The following RBMS3 variants were observed in gnomAD, a reference collection of about 807,000 sequenced individuals.
RBMS3 encodes RNA-binding motif, single-stranded-interacting protein 3.
In RBMS3, 27 loss-of-function variants were observed where a neutral mutation model predicts 66.8. That is an observed-to-expected ratio of 0.40 (90% CI 0.30 to 0.56). RBMS3 has a LOEUF of 0.56. RBMS3 is among the 20% of genes least tolerant of loss of function. RBMS3 has a pLI of 0.40. For synonymous variants in RBMS3, 188 were observed against 183.0 expected (o/e 1.03, Z -0.22); for missense variants, 513 against 549.5 (o/e 0.93, Z 0.66).
chr3:29,391,863 T>C (rs1001233679), intron 1 of RBMS3, among the ~76,000 whole-genome samples: 1 of 152,190 alleles, frequency 6.6e-6, no homozygotes, highest in African/African-American at 2.4e-5. Flanking sequence ...TGGAAACCGA[T>C]GACATGCAAC....
chr3:29,468,616 G>A lies in RBMS3; in HGVS notation c.249-19825G>A, dbSNP rs185059952. Among the ~76,000 whole-genome samples, 96 of 152,164 alleles carry A rather than the reference G, an allele frequency of 6.3e-4. 1 individual carries two copies. Among genetic ancestry groups the A allele is most frequent in the Non-Finnish European group, 1.2e-3 (79 of 67,970 alleles). ...CTAATTTTGTCTCTGTATTAACACC[G>A]AAAACATGGTTTTATTTGTACTGTT... is the stretch of plus-strand genomic sequence containing the variant. On this transcript the variant is annotated intron_variant, in intron 2 of 14. Coordinates refer to ENST00000383767, the MANE Select transcript of RBMS3 (RefSeq NM_001003793.3).
intron 4 of RBMS3, among the ~76,000 whole-genome samples, chr3:29,660,124 G>A (rs1482817460): frequency 2.0e-5 from 3 of 151,946 alleles, no homozygotes; most frequent in Non-Finnish European, 4.4e-5. Context: ...CCTTTTCAGT[G>A]TGTTCACTAT....
chr3:29,459,410 T>C (rs988593531), intron 2 of RBMS3, among the ~76,000 whole-genome samples: 12 of 152,192 alleles, frequency 7.9e-5, no homozygotes, highest in African/African-American at 2.9e-4. Flanking sequence ...AATAATTTCA[T>C]AAGCATATAA....
In RBMS3 at chr3:29,944,233, A is replaced by C. The variant is rs1399687879; in HGVS notation, c.1077A>C (p.Ile359=). 6.3e-7 allele frequency: 1 copy of C among 1,593,148 alleles called. No individual in the cohort carries two copies. The change falls in exon 12 of 15, where the codon ATA becomes ATC. Residue 359 remains isoleucine (I), a synonymous_variant. Transcript: ENST00000383767. ...GTIQSQDRIM[I]LHQLLCQYMT... Reference sequence around the variant, plus strand: ...TTCAATCCCAAGACAGGATTATGATACTCCACCAGCTGTTGTGTCAGGTAG... The same window carrying C: ...TTCAATCCCAAGACAGGATTATGATCCTCCACCAGCTGTTGTGTCAGGTAG...
chr3:29,609,535 CT>C (rs1019283247), intron 4 of RBMS3, among the ~76,000 whole-genome samples: 1 of 151,976 alleles, frequency 6.6e-6, no homozygotes, highest in Non-Finnish European at 1.5e-5. Context: ...AAGTATTTCA[CT>C]ATGTAAACAA....
At chr3:29,976,516 T>C (rs1308466671) in intron 12 of RBMS3, among the ~76,000 whole-genome samples, 2 of 152,116 alleles carry the variant, frequency 1.3e-5, no homozygotes, top group African/African-American at 4.8e-5. Context: ...TTATCCATTA[T>C]ACATTCCACT....
At chr3:29,433,837 T>C (rs2041299151) in intron 1 of RBMS3, among the ~76,000 whole-genome samples, 1 of 152,234 alleles carries the variant, frequency 6.6e-6, no homozygotes, top group Non-Finnish European at 1.5e-5. Context: ...ATCATTTTAA[T>C]TTTGCCATAT....
chr3:29,289,061 A>G (rs911975723), intron 1 of RBMS3, among the ~76,000 whole-genome samples: 2 of 151,944 alleles, frequency 1.3e-5, no homozygotes, highest in African/African-American at 4.8e-5. Context: ...ATAAGTTCCT[A>G]TTATGCTTGC....
intron 6 of RBMS3, among the ~76,000 whole-genome samples, chr3:29,837,060 A>G (rs1475741688): frequency 6.6e-6 from 1 of 152,022 alleles, no homozygotes; most frequent in African/African-American, 2.4e-5. Context: ...TGCCTAACCC[A>G]GTCTAAATGG....
At chr3:29,565,262 A>G (rs2046701136) in intron 3 of RBMS3, among the ~76,000 whole-genome samples, 1 of 152,244 alleles carries the variant, frequency 6.6e-6, no homozygotes, top group Non-Finnish European at 1.5e-5. Flanking sequence ...GAGAGCTCTC[A>G]AAAACTTAGA....
chr3:29,529,272 G>T (rs1218587255), intron 3 of RBMS3, among the ~76,000 whole-genome samples: 1 of 152,074 alleles, frequency 6.6e-6, no homozygotes, highest in Non-Finnish European at 1.5e-5. Flanking sequence ...TATTTGAGAG[G>T]TTTTCTCATA....
chr3:29,914,250 G>A (rs796480890), intron 10 of RBMS3, among the ~76,000 whole-genome samples: 3 of 151,938 alleles, frequency 2.0e-5, no homozygotes, highest in African/African-American at 7.2e-5. Flanking sequence ...TAGAAAGTGG[G>A]GTCCTTAAAC....
chr3:29,662,738 A>G (rs2050605058), intron 4 of RBMS3, among the ~76,000 whole-genome samples: 1 of 152,206 alleles, frequency 6.6e-6, no homozygotes, highest in African/African-American at 2.4e-5. Flanking sequence ...TTTCTTCTCC[A>G]TGGGAAACCA....
intron 3 of RBMS3, among the ~76,000 whole-genome samples, chr3:29,504,861 A>C (rs964312772): frequency 5.3e-5 from 8 of 152,128 alleles, no homozygotes; most frequent in Non-Finnish European, 1.2e-4. Context: ...GCATGTTTTC[A>C]TATACCTGTC....
At chr3:29,815,343 G>C (rs1198618874) in intron 6 of RBMS3, among the ~76,000 whole-genome samples, 1 of 152,060 alleles carries the variant, frequency 6.6e-6, no homozygotes, top group Non-Finnish European at 1.5e-5. Flanking sequence ...ACCTCTTTTA[G>C]AACTTCGAAG....
chr3:29,852,590 G>T (rs911895051), intron 6 of RBMS3, among the ~76,000 whole-genome samples: 3 of 152,118 alleles, frequency 2.0e-5, no homozygotes, highest in African/African-American at 7.2e-5. Context: ...TTAGAGAAAT[G>T]CAAATTAAAA....
intron 4 of RBMS3, among the ~76,000 whole-genome samples, chr3:29,694,767 A>G (rs75251482): frequency 2.0e-5 from 3 of 152,172 alleles, no homozygotes; most frequent in Non-Finnish European, 1.5e-5. Flanking sequence ...GCATAAAAAA[A>G]TAAAAAAAAT....
At chr3:29,747,434 A>T (rs1315426545) in intron 5 of RBMS3, among the ~76,000 whole-genome samples, 2 of 147,948 alleles carry the variant, frequency 1.4e-5, no homozygotes, top group Non-Finnish European at 3.0e-5. Flanking sequence ...AGATAGATAG[A>T]TAGATAGATA....
At chr3:29,934,222 A>G (rs2061206807) in intron 10 of RBMS3, 1 of 152,082 alleles carries the variant, frequency 6.6e-6, no homozygotes, top group Non-Finnish European at 1.5e-5. Flanking sequence ...ATATTCTAAA[A>G]AGATAACCTG....
Sources: gnomAD v4.1 joint callset for allele counts (sites outside exome capture counted in the v4.1 genomes callset) on GRCh38, gnomAD v4.1.1 for gene constraint, MANE v1.5 for transcripts, NCBI Gene and HGNC (gene_info 2026-07-23, HGNC 2026-07-21) for gene names.